The following MEFV variants were observed in gnomAD, a reference collection of about 807,000 sequenced individuals.
The protein encoded by MEFV is MEFV innate immunity regulator, pyrin, also known as pyrin.
MEFV carries 60 observed loss-of-function variants against 62.5 expected under a neutral mutation model. That is an observed-to-expected ratio of 0.96 (90% CI 0.78 to 1.19). The LOEUF (loss-of-function observed/expected upper bound fraction) is 1.19, where lower values mean the gene tolerates loss of function less well. Ranked by LOEUF, MEFV falls within the 50% of genes most tolerant of loss-of-function variation. The pLI is 0.00. For missense variants in MEFV, 1,169 were observed against 1,004.5 expected, an observed-to-expected ratio of 1.16 and a Z score of -2.21; for synonymous variants, 500 against 415.2, an observed-to-expected ratio of 1.20 and a Z score of -2.48.
At chr16:3,252,373 A>C (rs1959049591) in intron 2 of MEFV, among the ~76,000 whole-genome samples, 1 of 150,772 alleles carries the variant, frequency 6.6e-6, no homozygotes, top group Non-Finnish European at 1.5e-5. Flanking sequence ...TCCTCGGTTC[A>C]AGCAATTCTC....
At chr16:3,251,182 GAATT>G (rs778495715) in intron 2 of MEFV, among the ~76,000 whole-genome samples, 1 of 152,110 alleles carries the variant, frequency 6.6e-6, no homozygotes, top group Non-Finnish European at 1.5e-5. Flanking sequence ...TCTCGTGATA[GAATT>G]AATTGTCCAC....
chr16:3,245,639 AAAAAGAG>A (rs1456233803), intron 6 of MEFV, among the ~76,000 whole-genome samples: 2 of 149,228 alleles, frequency 1.3e-5, no homozygotes, highest in African/African-American at 2.4e-5. Context: ...GTCTTCAAAA[AAAAAGAG>A]AGAGAGAGAG....
At chr16:3,250,894 G>A (rs11640659) in intron 2 of MEFV, among the ~76,000 whole-genome samples, 3 of 150,738 alleles carry the variant, frequency 2.0e-5, no homozygotes. Flanking sequence ...CGTGGTGGTG[G>A]GCACCTGTAA....
chr16:3,254,102 C>T, intron 2 of MEFV, 56 bp downstream of exon 2: 1 of 1,592,426 alleles, frequency 6.3e-7, no homozygotes, highest in East Asian at 2.2e-5. Context: ...GCTATCGTGC[C>T]CGGCCAGCCA....
At position 3,243,344 on chromosome 16, in the gene MEFV, G is replaced by A. The variant is rs1212775144; in HGVS notation, c.2143C>T (p.Pro715Ser). The change falls in exon 10 of 10, where the codon CCC becomes TCC. Residue 715 changes from proline (P) to serine (S), a missense_variant. Physicochemically the swap from Pro to Ser is moderately conservative, Grantham distance 74. Coordinates refer to ENST00000219596, the MANE Select transcript of MEFV (RefSeq NM_000243.3). Reference sequence around the variant, plus strand: ...TCCACGAAGATGCCCACACGCTTGGGAGGCTCCTTTATTAGCAGGCGGGTC... The same window carrying A: ...TCCACGAAGATGCCCACACGCTTGGAAGGCTCCTTTATTAGCAGGCGGGTC... The part of the protein sequence containing the change: ...PPTRLLIKEP[P>S]KRVGIFVDYR... The A allele has an allele frequency of 1.9e-6, 3 of 1,614,100 alleles. No homozygotes were observed. The highest frequency in any genetic ancestry group is 2.5e-6 in the Non-Finnish European group (3 of 1,180,044).
At chr16:3,245,306 A>G (rs1958924307) in intron 6 of MEFV, among the ~76,000 whole-genome samples, 1 of 143,840 alleles carries the variant, frequency 7.0e-6, no homozygotes, top group Non-Finnish European at 1.5e-5. Context: ...AAAGAAAGGA[A>G]GGAAGGAAGA....
At chr16:3,255,769 A>G (rs1008596265) in intron 1 of MEFV, among the ~76,000 whole-genome samples, 2 of 152,120 alleles carry the variant, frequency 1.3e-5, no homozygotes, top group African/African-American at 2.4e-5. Flanking sequence ...TTCAAATAAG[A>G]TCTTACACAG....
intron 9 of MEFV, 69 bp downstream of exon 9, chr16:3,243,791 T>C: frequency 6.2e-7 from 1 of 1,609,122 alleles, no homozygotes; most frequent in Admixed American, 1.7e-5. Flanking sequence ...GTAGTTCTTC[T>C]GGAACGTGGT....
intron 2 of MEFV, among the ~76,000 whole-genome samples, chr16:3,253,626 G>A (rs1959069741): frequency 1.3e-5 from 2 of 152,088 alleles, no homozygotes; most frequent in African/African-American, 2.4e-5. Flanking sequence ...CAATCCTCCT[G>A]CCTCAGCTTC....
intron 4 of MEFV, chr16:3,247,492 C>T (rs1221481530): frequency 1.8e-6 from 1 of 553,000 alleles, no homozygotes; most frequent in Non-Finnish European, 3.2e-6. Flanking sequence ...GTGTCCCTTC[C>T]AAAATTTACA....
intron 4 of MEFV, 166 bp downstream of exon 4, chr16:3,248,743 T>G: frequency 1.4e-5 from 14 of 985,362 alleles, no homozygotes; most frequent in Non-Finnish European, 1.7e-5. Flanking sequence ...GTGGTCTCCC[T>G]CTACAGGGAT....
chr16:3,250,042 G>A (rs184196274), intron 2 of MEFV, among the ~76,000 whole-genome samples: 3 of 152,340 alleles, frequency 2.0e-5, no homozygotes, highest in Non-Finnish European at 4.4e-5. Flanking sequence ...AAGACCCATG[G>A]CCTTGTGCTG....
rs960445233 is a variant in MEFV, at chr16:3,242,957, T to C, written c.*184A>G. The C allele has an allele frequency of 6.0e-6, 4 of 666,848 alleles. No individual in the cohort carries two copies. Among genetic ancestry groups the C allele is most frequent in the Admixed American group, 2.3e-5 (1 of 43,876 alleles). The allele number at this position is 666,848 out of a possible 1,614,324, so 41.3% of individuals were successfully genotyped here. A position where few individuals can be genotyped will look rare whatever the true frequency, so the allele number is the denominator to read the frequency against. ...TCATCAGTACATGTCTTCACCCGGA[T>C]TGACTAACATGTTCGTTCCTAACTT... On this transcript the variant is annotated 3_prime_UTR_variant, in exon 10 of 10. Coordinates refer to ENST00000219596, the MANE Select transcript of MEFV (RefSeq NM_000243.3).
intron 2 of MEFV, among the ~76,000 whole-genome samples, chr16:3,250,984 A>G (rs1292245307): frequency 1.4e-5 from 2 of 145,016 alleles, no homozygotes; most frequent in African/African-American, 2.6e-5. Flanking sequence ...AAGTTGCGCC[A>G]CTGCACTCCA....
chr16:3,250,853 G>A (rs1003659192), intron 2 of MEFV, among the ~76,000 whole-genome samples: 110 of 151,338 alleles, frequency 7.3e-4, no homozygotes, highest in Non-Finnish European at 1.4e-3. Context: ...GTGAAACCCT[G>A]TCTCTACTAA....
intron 2 of MEFV, among the ~76,000 whole-genome samples, chr16:3,250,807 T>C (rs1193566625): frequency 6.6e-6 from 1 of 151,126 alleles, no homozygotes; most frequent in African/African-American, 2.4e-5. Context: ...GGGTGGGTCA[T>C]GAGGTCAGGA....
Position 3,242,060 on chromosome 16 carries a change from G to C in MEFV, c.*1081C>G, listed in dbSNP as rs1162251254. 6.5e-6 allele frequency: 1 copy of C among 154,188 alleles called. No homozygotes were observed. The highest frequency in any genetic ancestry group is 2.4e-5 in the African/African-American group (1 of 41,432). 9.6% of individuals were successfully genotyped at this position (154,188 alleles called of 1,614,324 possible). A position where few individuals can be genotyped will look rare whatever the true frequency, so the allele number is the denominator to read the frequency against. On this transcript the variant is annotated 3_prime_UTR_variant, in exon 10 of 10. Transcript: ENST00000219596. Reference sequence around the variant, plus strand: ...CTAATTTTTTTATTCATGAGGCCCAGTCAATTCTCTTAAGAATCATGGCCC... The same window carrying C: ...CTAATTTTTTTATTCATGAGGCCCACTCAATTCTCTTAAGAATCATGGCCC...
intron 2 of MEFV, among the ~76,000 whole-genome samples, chr16:3,250,414 G>C (rs1346100051): frequency 6.6e-6 from 1 of 152,054 alleles, no homozygotes; most frequent in East Asian, 1.9e-4. Context: ...TTTGAGACCA[G>C]CCTGGGCAAC....
chr16:3,244,866 C>A (rs953769457), intron 6 of MEFV, among the ~76,000 whole-genome samples: 6 of 152,016 alleles, frequency 3.9e-5, no homozygotes, highest in African/African-American at 1.5e-4. Flanking sequence ...CTAGAATTAT[C>A]TATGTCAAAT....
Sources: allele counts gnomAD v4.1 joint callset (sites outside exome capture counted in the v4.1 genomes callset), GRCh38; gene constraint gnomAD v4.1.1; transcripts MANE v1.5; gene names NCBI Gene and HGNC (gene_info 2026-07-23, HGNC 2026-07-21).